The following CCDC122 variants were observed in gnomAD, a reference collection of about 807,000 sequenced individuals.
The protein encoded by CCDC122 is coiled-coil domain containing 122, also known as coiled-coil domain-containing protein 122.
CCDC122 carries 38 observed loss-of-function variants against 37.0 expected under a neutral mutation model. The ratio of observed to expected loss-of-function variants is 1.03; its 90% CI spans 0.79 to 1.35. CCDC122 has a LOEUF of 1.35. CCDC122 is among the 40% of genes most tolerant of loss of function. CCDC122 has a pLI of 0.00. For missense variants in CCDC122, 305 were observed against 310.0 expected (o/e 0.98, Z 0.12); for synonymous variants, 83 against 95.6 (o/e 0.87, Z 0.77).
chr13:43,830,658 T>C (rs1953081198), intron 3 of CCDC122, among the ~76,000 whole-genome samples: 1 of 152,240 alleles, frequency 6.6e-6, no homozygotes, highest in South Asian at 2.1e-4. Flanking sequence ...TGACTGTGTC[T>C]GTTACACAAC....
intron 4 of CCDC122, among the ~76,000 whole-genome samples, chr13:43,866,017 G>A (rs1954265064): frequency 6.6e-6 from 1 of 152,134 alleles, no homozygotes; most frequent in Admixed American, 6.5e-5. Context: ...CAATCAATCT[G>A]ATAACTGAGA....
At chr13:43,864,247 T>C (rs1041011471) in intron 4 of CCDC122, among the ~76,000 whole-genome samples, 3 of 152,182 alleles carry the variant, frequency 2.0e-5, no homozygotes, top group Non-Finnish European at 1.5e-5. Context: ...ATAATAAATA[T>C]TAAAATCAGG....
intron 4 of CCDC122, among the ~76,000 whole-genome samples, chr13:43,860,360 A>G (rs1954066702): frequency 6.6e-6 from 1 of 152,030 alleles, no homozygotes; most frequent in African/African-American, 2.4e-5. Flanking sequence ...AATTTTACTA[A>G]TTTATTTATA....
chr13:43,875,404 T>C (rs1373201483), intron 1 of CCDC122, among the ~76,000 whole-genome samples: 1 of 152,152 alleles, frequency 6.6e-6, no homozygotes, highest in Non-Finnish European at 1.5e-5. Flanking sequence ...TGTGACCTTA[T>C]TTTGAAAAAG....
At chr13:43,872,737 A>G (rs1954490405) in intron 2 of CCDC122, among the ~76,000 whole-genome samples, 1 of 152,194 alleles carries the variant, frequency 6.6e-6, no homozygotes, top group African/African-American at 2.4e-5. Context: ...TGGTCCCTCA[A>G]CAGAATTTCC....
chr13:43,824,501 G>A (rs1953021226), intron 3 of CCDC122, among the ~76,000 whole-genome samples: 1 of 152,164 alleles, frequency 6.6e-6, no homozygotes, highest in Admixed American at 6.5e-5. Flanking sequence ...CCTAGGCAAA[G>A]AGTTTATGAC....
intron 6 of CCDC122, among the ~76,000 whole-genome samples, chr13:43,852,948 G>A (rs763040869): frequency 6.6e-6 from 1 of 152,068 alleles, no homozygotes; most frequent in African/African-American, 2.4e-5. Context: ...GAGGGAGTTC[G>A]TTACCACAAG....
chr13:43,825,118 A>G (rs555604311), intron 3 of CCDC122, among the ~76,000 whole-genome samples: 3 of 152,348 alleles, frequency 2.0e-5, no homozygotes, highest in African/African-American at 7.2e-5. Context: ...TAATTAAAGC[A>G]CTATTCGCAA....
chr13:43,843,243 T>C (rs987126542), intron 6 of CCDC122, among the ~76,000 whole-genome samples: 4 of 152,010 alleles, frequency 2.6e-5, no homozygotes, highest in Non-Finnish European at 4.4e-5. Flanking sequence ...TCAGAAAATA[T>C]GCTATTCTCA....
At chr13:43,824,861 C>T (rs1953025127) in intron 3 of CCDC122, among the ~76,000 whole-genome samples, 1 of 152,190 alleles carries the variant, frequency 6.6e-6, no homozygotes, top group Non-Finnish European at 1.5e-5. Context: ...CCATCTCATA[C>T]TAGTCAGAAT....
chr13:43,824,026 A>C (rs1416875325), intron 3 of CCDC122: 3 of 152,196 alleles, frequency 2.0e-5, no homozygotes, highest in Non-Finnish European at 2.9e-5. Context: ...CAAAAAATGT[A>C]TTAAATGACA....
chr13:43,871,503 T>C (rs1365058921), intron 2 of CCDC122, among the ~76,000 whole-genome samples: 1 of 152,068 alleles, frequency 6.6e-6, no homozygotes, highest in Non-Finnish European at 1.5e-5. Flanking sequence ...CCCTATTAAC[T>C]TCAGTCTTCA....
intron 2 of CCDC122, among the ~76,000 whole-genome samples, chr13:43,872,366 A>C (rs1248384188): frequency 6.6e-6 from 1 of 152,156 alleles, no homozygotes; most frequent in African/African-American, 2.4e-5. Flanking sequence ...AATATGCTTA[A>C]AGAAAGACAT....
chr13:43,839,351 T>C (rs182372839), intron 6 of CCDC122, among the ~76,000 whole-genome samples: 1 of 152,322 alleles, frequency 6.6e-6, no homozygotes, highest in Non-Finnish European at 1.5e-5. Context: ...CAATAGGTGG[T>C]CTTTTGTGAC....
chr13:43,832,568 G>C (rs1300659849), downstream of CCDC122, among the ~76,000 whole-genome samples: 1 of 152,048 alleles, frequency 6.6e-6, no homozygotes, highest in Non-Finnish European at 1.5e-5. Flanking sequence ...TGACCCTCAT[G>C]AACTGTTACC....
At chr13:43,850,558 G>A (rs1467332535) in intron 6 of CCDC122, among the ~76,000 whole-genome samples, 1 of 152,184 alleles carries the variant, frequency 6.6e-6, no homozygotes, top group African/African-American at 2.4e-5. Context: ...GAATTCAAGA[G>A]TGGATGGGAG....
chr13:43,828,555 T>TACACACACACAC (rs56901535), intron 3 of CCDC122, among the ~76,000 whole-genome samples: 1 of 146,134 alleles, frequency 6.8e-6, no homozygotes, highest in Non-Finnish European at 1.5e-5. Flanking sequence ...TATAGACAGA[T>TACACACACACAC]ACACACACAC....
At position 43,846,532 on chromosome 13, in the gene CCDC122, T is replaced by C. The variant is rs1319278420; in HGVS notation, c.673-9103A>G. Among the ~76,000 whole-genome samples, 4 of 152,250 alleles carry C rather than the reference T, an allele frequency of 2.6e-5. No homozygotes were observed. In the East Asian group the frequency reaches 7.7e-4, roughly 29 times the overall value. On this transcript the variant is annotated intron_variant, in intron 6 of 6. Coordinates refer to ENST00000444614, the MANE Select transcript of CCDC122 (RefSeq NM_144974.5). ...ATCTTGAACTTGTGAGACTTTGTTT[T>C]ATACTTTAAGTTAGAGTACATCTAT...
chr13:43,823,509 A>G (rs1201300501), downstream of CCDC122, among the ~76,000 whole-genome samples: 1 of 152,202 alleles, frequency 6.6e-6, no homozygotes, highest in African/African-American at 2.4e-5. Context: ...GCCCAGCACT[A>G]GGCGTTGCCT....
Sources: allele counts gnomAD v4.1 joint callset (sites outside exome capture counted in the v4.1 genomes callset), GRCh38; gene constraint gnomAD v4.1.1; transcripts MANE v1.5; gene names NCBI Gene and HGNC (gene_info 2026-07-23, HGNC 2026-07-21).